The following DNAH8 variants were observed in gnomAD, a reference collection of about 807,000 sequenced individuals.
DNAH8 encodes dynein axonemal heavy chain 8.
In DNAH8, 382 loss-of-function variants were observed where a neutral mutation model predicts 562.1. The observed-to-expected ratio is 0.68, with a 90% CI of 0.63 to 0.74. The LOEUF is 0.74. Among genes scored for constraint, DNAH8 ranks in the 30% least tolerant of loss-of-function variants. DNAH8 has a pLI of 0.00. For synonymous variants in DNAH8, 1,881 were observed against 1,919.4 expected (o/e 0.98, Z 0.52); for missense variants, 5,203 against 5,620.4 (o/e 0.93, Z 2.37).
At chr6:38,933,472 G>A (rs933250058) in intron 76 of DNAH8, among the ~76,000 whole-genome samples, 2 of 152,120 alleles carry the variant, frequency 1.3e-5, no homozygotes, top group Non-Finnish European at 2.9e-5. Context: ...AACAGCACAT[G>A]GACTTTGCAG....
chr6:38,904,620 T>A (rs950262530), intron 62 of DNAH8, among the ~76,000 whole-genome samples: 3 of 151,830 alleles, frequency 2.0e-5, no homozygotes. Flanking sequence ...TGAAACCCCA[T>A]CTGTACTAAA....
At position 38,826,139 on chromosome 6, in the gene DNAH8, C is replaced by A. The variant is rs1232082531; in HGVS notation, c.3848-17C>A. The A allele has an allele frequency of 6.5e-7, 1 of 1,535,586 alleles. No homozygotes were observed. The highest frequency in any genetic ancestry group is 2.3e-5 in the East Asian group (1 of 44,092). On this transcript the variant is annotated splice_polypyrimidine_tract_variant and intron_variant, in intron 28 of 92. Transcript: ENST00000327475. The stretch of plus-strand genomic sequence containing the variant: ...TGCCAGTTATATTCTAATTTAATTT[C>A]TTCTTGTCTTCATCAGAGCCGATGA...
intron 89 of DNAH8, among the ~76,000 whole-genome samples, chr6:39,011,963 AG>A (rs1348962966): frequency 6.6e-6 from 1 of 152,242 alleles, no homozygotes; most frequent in African/African-American, 2.4e-5. Flanking sequence ...CAGCTCTTTA[AG>A]GTACATTTCC....
chr6:38,741,623 A>G, intron 7 of DNAH8, 88 bp from the exon 8 acceptor site: 4 of 1,130,476 alleles, frequency 3.5e-6, no homozygotes, highest in Non-Finnish European at 5.0e-6. Flanking sequence ...CATTATTTAT[A>G]CTTTCAGCTG....
chr6:38,842,504 A>C lies in DNAH8; in HGVS notation c.4603A>C (p.Arg1535=). 1 of 1,609,834 alleles carries C rather than the reference A, an allele frequency of 6.2e-7. No individual in the cohort carries two copies. Among genetic ancestry groups the C allele is most frequent in the Non-Finnish European group, 8.5e-7 (1 of 1,178,940 alleles). The part of the protein sequence containing the change: ...INAELLEFQN[R]CRKLPKGLKD... ...TGCAGAACTGCTGGAATTTCAAAAC[A>C]GGTGAGTTTCAATGGAATTTTTTAT... The change falls in exon 34 of 93, where the codon AGA becomes CGA. Residue 1535 remains arginine, a splice_region_variant and synonymous_variant. Coordinates refer to ENST00000327475, the MANE Select transcript of DNAH8 (RefSeq NM_001206927.2).
At chr6:38,736,744 T>G (rs1480472664) in intron 5 of DNAH8, among the ~76,000 whole-genome samples, 6 of 152,042 alleles carry the variant, frequency 3.9e-5, no homozygotes, top group Non-Finnish European at 2.9e-5. Context: ...AGGGCAACTT[T>G]CAACGGAGGA....
intron 55 of DNAH8, 74 bp downstream of exon 55, chr6:38,883,530 G>A (rs1048395386): frequency 2.7e-5 from 37 of 1,390,796 alleles, no homozygotes; most frequent in African/African-American, 2.3e-4. Context: ...AAATGTGTAC[G>A]CATATAAAAT....
Position 38,926,712 on chromosome 6 carries a change from A to G in DNAH8, c.11118+502A>G, listed in dbSNP as rs1432616343. On this transcript the variant is annotated intron_variant, in intron 74 of 92. Coordinates refer to ENST00000327475, the MANE Select transcript of DNAH8 (RefSeq NM_001206927.2). ...TATTGATATTTTAATTCAACTACCAATGTGGGATATTCAGTGTTTCCTAGA... is the reference window on the plus strand; with the variant it reads ...TATTGATATTTTAATTCAACTACCAGTGTGGGATATTCAGTGTTTCCTAGA... Among the ~76,000 whole-genome samples the G allele has an allele frequency of 3.3e-5, 5 of 152,178 alleles. No homozygotes were observed. The East Asian group carries it at 7.7e-4, about 23-fold the overall frequency.
chr6:38,747,378 CTTTTTCTTTTT>C (rs1562633235), intron 8 of DNAH8, among the ~76,000 whole-genome samples: 8 of 102,136 alleles, frequency 7.8e-5, no homozygotes, highest in African/African-American at 1.9e-4. Context: ...TTCTTTTTTT[CTTTTTCTTTTT>C]TTTTTTTTTT....
At chr6:38,829,960 T>C (rs1285248808) in intron 30 of DNAH8, among the ~76,000 whole-genome samples, 1 of 152,206 alleles carries the variant, frequency 6.6e-6, no homozygotes, top group African/African-American at 2.4e-5. Flanking sequence ...TGTGTCTTTA[T>C]AGTCCTTTCT....
chr6:38,769,105 A>C (rs866727915), intron 11 of DNAH8, among the ~76,000 whole-genome samples: 7 of 152,244 alleles, frequency 4.6e-5, no homozygotes, highest in Non-Finnish European at 8.8e-5. Flanking sequence ...AAATGTTTTC[A>C]GGAAACTTTC....
chr6:38,933,695 G>A (rs1054762910), intron 76 of DNAH8, among the ~76,000 whole-genome samples: 27 of 152,078 alleles, frequency 1.8e-4, no homozygotes, highest in African/African-American at 5.8e-4. Context: ...GCTCTTTATC[G>A]CCCCATCAAC....
At chr6:38,750,440 G>A (rs763204076) in intron 8 of DNAH8, 36 bp from the exon 9 acceptor site, 4 of 1,420,442 alleles carry the variant, frequency 2.8e-6, no homozygotes, top group Non-Finnish European at 3.0e-6. Context: ...GATATATTTG[G>A]ATGTTTCATA....
At chr6:38,912,457 C>T (rs1355777901) in intron 66 of DNAH8, among the ~76,000 whole-genome samples, 2 of 152,032 alleles carry the variant, frequency 1.3e-5, no homozygotes, top group Non-Finnish European at 2.9e-5. Context: ...AGAGTGGGAC[C>T]CTGTCTCAAG....
chr6:38,763,159 G>A (rs1766686218), intron 11 of DNAH8: 2 of 311,424 alleles, frequency 6.4e-6, no homozygotes, highest in South Asian at 2.9e-5. Flanking sequence ...CCAGTGAAAA[G>A]AGGAGCATTT....
In DNAH8 at chr6:38,906,389, C is replaced by G. The variant is rs1243143838; in HGVS notation, c.9330C>G (p.Asn3110Lys). 6.2e-7 allele frequency: 1 copy of G among 1,605,464 alleles called. No individual in the cohort carries two copies. The highest frequency in any genetic ancestry group is 2.2e-5 in the East Asian group (1 of 44,738). The change falls in exon 63 of 93, where the codon AAC (asparagine) becomes AAG (lysine). Residue 3110 changes from asparagine to lysine, a missense_variant. Around this residue, in one of 6 missense-constraint regions of DNAH8, gnomAD observed 977 missense variants for 1,061.8 expected, o/e 0.92. Coordinates refer to ENST00000327475, the MANE Select transcript of DNAH8 (RefSeq NM_001206927.2). ...AGGCATTTCTAGAATACCTTAACAA[C>G]TTGCTATCTTCAGGGGAGGTAAGTC... ...KDEAFLEYLN[N>K]LLSSGEISNL...
chr6:39,026,716 A>G, intron 92 of DNAH8, 49 bp downstream of exon 92: 4 of 1,598,676 alleles, frequency 2.5e-6, no homozygotes, highest in Non-Finnish European at 3.4e-6. Flanking sequence ...CCAGAGCTGA[A>G]ATTTCAAGTT....
At chr6:38,810,438 A>G (rs983160432) in intron 24 of DNAH8, among the ~76,000 whole-genome samples, 2 of 152,238 alleles carry the variant, frequency 1.3e-5, no homozygotes, top group East Asian at 3.9e-4. Flanking sequence ...CTAAAAATAC[A>G]AAAAGTAGGC....
In DNAH8 at chr6:38,866,862, C is replaced by G. The variant is rs777610268; in HGVS notation, c.6679C>G (p.Gln2227Glu). The change falls in exon 47 of 93, where the codon CAA becomes GAA. Residue 2227 changes from glutamine to glutamate, a missense_variant. Coordinates refer to ENST00000327475, the MANE Select transcript of DNAH8 (RefSeq NM_001206927.2). Reference protein sequence around the residue: ...FYVLYKLCEEQLTKQVHYDFG... With the variant: ...FYVLYKLCEEELTKQVHYDFG... Reference sequence around the variant, plus strand: ...CGTTCTTTACAAACTCTGTGAAGAGCAACTTACTAAACAGGTAACTTTATA... The same window carrying G: ...CGTTCTTTACAAACTCTGTGAAGAGGAACTTACTAAACAGGTAACTTTATA... 3.7e-6 allele frequency: 6 copies of G among 1,603,960 alleles called. No homozygotes were observed. Among genetic ancestry groups the G allele is most frequent in the Non-Finnish European group, 5.1e-6 (6 of 1,171,942 alleles).
Sources: allele counts gnomAD v4.1 joint callset (sites outside exome capture counted in the v4.1 genomes callset), GRCh38; gene constraint gnomAD v4.1.1; regional missense constraint gnomAD v4.1.1; transcripts MANE v1.5; gene names NCBI Gene and HGNC (gene_info 2026-07-23, HGNC 2026-07-21).